The following TTC1 variants were observed in gnomAD, a reference collection of about 807,000 sequenced individuals.
TTC1 encodes tetratricopeptide repeat domain 1, also known as tetratricopeptide repeat protein 1.
A neutral mutation model predicts 37.6 loss-of-function variants in TTC1; 31 were observed. The observed-to-expected ratio is 0.82, with a 90% CI of 0.62 to 1.11. The LOEUF is 1.11. Among genes scored for constraint, TTC1 ranks in the 50% most tolerant of loss-of-function variants. The probability of loss-of-function intolerance (pLI) is 0.00; values close to 1 mark genes in which losing one functional copy is unlikely to be tolerated. For missense variants in TTC1, 351 were observed against 339.0 expected (o/e 1.04, Z -0.28); for synonymous variants, 127 against 122.4 (o/e 1.04, Z -0.25).
chr5:160,055,354 CA>C (rs758199960), intron 7 of TTC1, among the ~76,000 whole-genome samples: 43 of 152,334 alleles, frequency 2.8e-4, no homozygotes, highest in Non-Finnish European at 5.3e-4. Context: ...ACCTAGGCTG[CA>C]TGGGCTACTT....
chr5:160,052,529 CAAT>C (rs1294623359), intron 7 of TTC1, among the ~76,000 whole-genome samples: 1 of 96,792 alleles, frequency 1.0e-5, no homozygotes, highest in Non-Finnish European at 1.8e-5. Context: ...TTTTTACTAA[CAAT>C]GATGCTCTAT....
At chr5:160,045,548 TCTCTCC>T (rs1343470202) in intron 5 of TTC1, among the ~76,000 whole-genome samples, 5 of 125,738 alleles carry the variant, frequency 4.0e-5, no homozygotes, top group East Asian at 4.8e-4. Context: ...TCTCTCTCTC[TCTCTCC>T]CCCTCCCCTC....
intron 6 of TTC1, among the ~76,000 whole-genome samples, chr5:160,050,264 A>C (rs1284923889): frequency 2.0e-5 from 3 of 152,116 alleles, no homozygotes; most frequent in African/African-American, 7.2e-5. Context: ...CCTGACCAAC[A>C]TGGAGAAACC....
intron 2 of TTC1, among the ~76,000 whole-genome samples, chr5:160,012,197 A>C (rs1756515020): frequency 1.3e-5 from 2 of 152,042 alleles, no homozygotes; most frequent in South Asian, 4.1e-4. Flanking sequence ...TGATACCTTA[A>C]TATATTTTGC....
intron 7 of TTC1, among the ~76,000 whole-genome samples, chr5:160,061,411 TCTTC>T (rs1267629436): frequency 6.6e-6 from 1 of 152,268 alleles, no homozygotes; most frequent in Non-Finnish European, 1.5e-5. Context: ...GTATGTCTTT[TCTTC>T]CTTGTCAAAT....
Position 160,010,527 on chromosome 5 carries a change from G to A in TTC1, c.-2G>A. On this transcript the variant is annotated 5_prime_UTR_variant, in exon 2 of 8. Coordinates refer to ENST00000231238, the MANE Select transcript of TTC1 (RefSeq NM_003314.3). Reference sequence around the variant, plus strand: ...TTAGCGTCACCTCCCTCACTGGGCAGCATGGGGGAGAAGTCAGAGAACTGT... The same window carrying A: ...TTAGCGTCACCTCCCTCACTGGGCAACATGGGGGAGAAGTCAGAGAACTGT... 1 of 1,610,998 alleles carries A rather than the reference G, an allele frequency of 6.2e-7. No individual in the cohort carries two copies. Among genetic ancestry groups the A allele is most frequent in the Non-Finnish European group, 8.5e-7 (1 of 1,177,456 alleles).
intron 4 of TTC1, among the ~76,000 whole-genome samples, chr5:160,041,582 A>G (rs1395357979): frequency 1.3e-5 from 2 of 151,496 alleles, no homozygotes; most frequent in Non-Finnish European, 3.0e-5. Flanking sequence ...CAAAGTGCTG[A>G]GATTACAGGC....
intron 2 of TTC1, among the ~76,000 whole-genome samples, chr5:160,026,021 C>G (rs1260262347): frequency 6.6e-6 from 1 of 152,144 alleles, no homozygotes; most frequent in African/African-American, 2.4e-5. Context: ...GCTAGTAAGT[C>G]AGAATTCGGT....
chr5:160,013,576 C>T (rs1301165164), intron 2 of TTC1, among the ~76,000 whole-genome samples: 1 of 151,786 alleles, frequency 6.6e-6, no homozygotes, highest in Non-Finnish European at 1.5e-5. Context: ...AACCCCATCT[C>T]TACTAAAAAT....
intron 7 of TTC1, among the ~76,000 whole-genome samples, chr5:160,063,326 C>T (rs972203503): frequency 2.0e-5 from 3 of 152,164 alleles, no homozygotes; most frequent in African/African-American, 7.2e-5. Flanking sequence ...AAGCAATCCT[C>T]CTAACTCAGC....
intron 6 of TTC1, 44 bp from the exon 7 acceptor site, chr5:160,051,082 GTTT>G (rs5872626): frequency 2.9e-3 from 3,590 of 1,226,076 alleles, no homozygotes; most frequent in Admixed American, 6.1e-3. Context: ...AAAGGTTTTG[GTTT>G]TTTTTTTTTT....
chr5:160,043,184 T>C lies in TTC1; in HGVS notation c.541+15T>C. On this transcript the variant is annotated intron_variant, in intron 5 of 7. Coordinates refer to ENST00000231238, the MANE Select transcript of TTC1 (RefSeq NM_003314.3). ...CTGCAGCAAAGGTACAGCTTTATTA[T>C]CTTATTACATGTTAACATACAGGAG... 2 of 1,613,290 alleles carry C rather than the reference T, an allele frequency of 1.2e-6. No individual in the cohort carries two copies. The highest frequency in any genetic ancestry group is 1.1e-5 in the South Asian group (1 of 90,798).
intron 7 of TTC1, among the ~76,000 whole-genome samples, chr5:160,059,467 C>T (rs1236012899): frequency 6.6e-6 from 1 of 152,202 alleles, no homozygotes; most frequent in African/African-American, 2.4e-5. Context: ...CTAGAACTTT[C>T]TCCATATAAG....
chr5:160,046,751 C>G (rs1039907387), intron 5 of TTC1, among the ~76,000 whole-genome samples: 21 of 152,136 alleles, frequency 1.4e-4, no homozygotes, highest in Non-Finnish European at 2.4e-4. Context: ...CAGTGGCTCA[C>G]GCCTGTAATC....
intron 2 of TTC1, among the ~76,000 whole-genome samples, chr5:160,032,723 T>C (rs1581100831): frequency 7.3e-6 from 1 of 136,638 alleles, no homozygotes; most frequent in Non-Finnish European, 1.6e-5. Flanking sequence ...TTTTTTTTTT[T>C]TTTTTTTTTG....
intron 5 of TTC1, among the ~76,000 whole-genome samples, chr5:160,045,520 A>ACACACTCTCTCT (rs1202139318): frequency 2.7e-4 from 15 of 54,878 alleles, no homozygotes; most frequent in Non-Finnish European, 3.6e-4. Flanking sequence ...ACACATACAC[A>ACACACTCTCTCT]CTCTCTCTCT....
rs1756632379 is a variant in TTC1, at chr5:160,017,732, AGG to A, written c.330+6875_330+6876del. 3.3e-5 allele frequency among the ~76,000 whole-genome samples: 5 copies of A among 152,342 alleles called. No individual in the cohort carries two copies. In the South Asian group the frequency reaches 1.0e-3, roughly 32 times the overall value. On this transcript the variant is annotated intron_variant, in intron 2 of 7. Coordinates refer to ENST00000231238, the MANE Select transcript of TTC1 (RefSeq NM_003314.3). ...GCTGAGGCTTGAGGACCACTGTCAC[AGG>A]TTTTGCACAATCTTCCTTCATTAAA...
chr5:160,058,278 C>T (rs557739436), intron 7 of TTC1, among the ~76,000 whole-genome samples: 1 of 152,362 alleles, frequency 6.6e-6, no homozygotes, highest in African/African-American at 2.4e-5. Context: ...ACCACATCTG[C>T]AGCAACTTCC....
chr5:160,022,876 AAATT>A (rs1245614724), intron 2 of TTC1, among the ~76,000 whole-genome samples: 1 of 152,206 alleles, frequency 6.6e-6, no homozygotes, highest in African/African-American at 2.4e-5. Context: ...AGTTAAATGA[AAATT>A]AACCCACATA....
Sources: gnomAD v4.1 joint callset for allele counts (sites outside exome capture counted in the v4.1 genomes callset) on GRCh38, gnomAD v4.1.1 for gene constraint, MANE v1.5 for transcripts, NCBI Gene and HGNC (gene_info 2026-07-23, HGNC 2026-07-21) for gene names.